Variants in MAML3 observed in about 807,000 individuals in gnomAD.
MAML3 encodes mastermind like transcriptional coactivator 3, also known as mastermind-like protein 3.
In MAML3, 27 loss-of-function variants were observed where a neutral mutation model predicts 101.9. The observed-to-expected ratio is 0.27, with a 90% CI of 0.20 to 0.37. The LOEUF (loss-of-function observed/expected upper bound fraction) is 0.37, where lower values mean the gene tolerates loss of function less well. Ranked by LOEUF, MAML3 falls within the 10% of genes least tolerant of loss-of-function variation. The probability of loss-of-function intolerance (pLI) is 1.00; values close to 1 mark genes in which losing one functional copy is unlikely to be tolerated. For synonymous variants in MAML3, 501 were observed against 555.9 expected (o/e 0.90, Z 1.39); for missense variants, 1,316 against 1,444.9 (o/e 0.91, Z 1.45).
intron 1 of MAML3, among the ~76,000 whole-genome samples, chr4:139,893,963 A>G (rs549757506): frequency 2.0e-4 from 30 of 152,166 alleles, no homozygotes; most frequent in Middle Eastern, 3.4e-3. Context: ...AGACAGAATG[A>G]CAGGGTAGGA....
chr4:140,032,632 C>A (rs2110893580), intron 1 of MAML3, among the ~76,000 whole-genome samples: 1 of 152,152 alleles, frequency 6.6e-6, no homozygotes, highest in South Asian at 2.1e-4. Flanking sequence ...ATCAATGATA[C>A]AAATGGGTAA....
intron 1 of MAML3, among the ~76,000 whole-genome samples, chr4:139,989,665 C>T (rs1399295714): frequency 6.6e-6 from 1 of 152,096 alleles, no homozygotes; most frequent in African/African-American, 2.4e-5. Context: ...TCCTGTTTGT[C>T]TTCCTACCCA....
At position 139,742,180 on chromosome 4, in the gene MAML3, G is replaced by A. The variant is rs189711136; in HGVS notation, c.2080-11513C>T. On this transcript the variant is annotated intron_variant, in intron 2 of 4. Coordinates refer to ENST00000509479, the MANE Select transcript of MAML3 (RefSeq NM_018717.5). ...TTTTTTTTTTTTGAGAGAGAGTCTCGCTCTGTCAGCCAGGCTGAAGTGCAG... is the reference window on the plus strand; with the variant it reads ...TTTTTTTTTTTTGAGAGAGAGTCTCACTCTGTCAGCCAGGCTGAAGTGCAG... 6.4e-3 allele frequency among the ~76,000 whole-genome samples: 922 copies of A among 143,714 alleles called. 5 individuals carry two copies. Among genetic ancestry groups the A allele is most frequent in the African/African-American group, 0.021 (815 of 38,606 alleles). 94.3% of individuals were successfully genotyped at this position (143,714 alleles called of 152,430 possible).
intron 2 of MAML3, among the ~76,000 whole-genome samples, chr4:139,769,916 C>CTTTTTTTTTTTT (rs139445743): frequency 7.6e-6 from 1 of 132,294 alleles, no homozygotes; most frequent in African/African-American, 2.9e-5. Flanking sequence ...CGCCCAGCCT[C>CTTTTTTTTTTTT]TTTTTTTTTT....
rs776544555 is a variant in MAML3, at chr4:139,933,786, C to G, written c.469-42819G>C. On this transcript the variant is annotated intron_variant, in intron 1 of 4. Coordinates refer to ENST00000509479, the MANE Select transcript of MAML3 (RefSeq NM_018717.5). ...ACAGGCAGCTTGTAACCCAGAGAAC[C>G]CTTCCGCTTCCTGAGGTCAGCCTGG... Among the ~76,000 whole-genome samples, 54 of 152,140 alleles carry G rather than the reference C, an allele frequency of 3.5e-4. 1 individual carries two copies. The highest frequency in any genetic ancestry group is 4.4e-4 in the Non-Finnish European group (30 of 68,022).
At chr4:139,982,298 C>T (rs1201039632) in intron 1 of MAML3, among the ~76,000 whole-genome samples, 1 of 152,118 alleles carries the variant, frequency 6.6e-6, no homozygotes, top group Non-Finnish European at 1.5e-5. Flanking sequence ...GCTCCCGTGC[C>T]CTTTTGACAT....
At chr4:139,774,757 T>C (rs986414838) in intron 2 of MAML3, among the ~76,000 whole-genome samples, 1 of 152,240 alleles carries the variant, frequency 6.6e-6, no homozygotes, top group African/African-American at 2.4e-5. Flanking sequence ...TTCTAAACCA[T>C]GATAAAAGAA....
At chr4:140,064,301 T>C (rs922673221) in intron 1 of MAML3, among the ~76,000 whole-genome samples, 4 of 152,138 alleles carry the variant, frequency 2.6e-5, no homozygotes, top group Admixed American at 2.6e-4. Flanking sequence ...AATTGAGAGG[T>C]AAATCCAATT....
intron 1 of MAML3, among the ~76,000 whole-genome samples, chr4:140,092,605 A>G (rs1001137513): frequency 2.6e-5 from 4 of 152,170 alleles, no homozygotes; most frequent in African/African-American, 9.7e-5. Flanking sequence ...TTTATCTCTC[A>G]GCCAATTACT....
At chr4:139,932,760 T>C (rs575511537) in intron 1 of MAML3, among the ~76,000 whole-genome samples, 1 of 152,244 alleles carries the variant, frequency 6.6e-6, no homozygotes, top group South Asian at 2.1e-4. Flanking sequence ...GACAAACAAT[T>C]GAAAAGACAA....
At chr4:139,832,094 C>CCTTTTTTTTTTTTTTTTTT (rs1234455929) in intron 2 of MAML3, among the ~76,000 whole-genome samples, 1 of 64,680 alleles carries the variant, frequency 1.5e-5, no homozygotes, top group Non-Finnish European at 3.3e-5. Context: ...TGCCCAGCCC[C>CCTTTTTTTTTTTTTTTTTT]TTTTTTTTTT....
chr4:139,874,035 G>A (rs1027987429), intron 2 of MAML3, among the ~76,000 whole-genome samples: 17 of 152,160 alleles, frequency 1.1e-4, no homozygotes, highest in African/African-American at 4.1e-4. Flanking sequence ...TGGAATATGT[G>A]TTTACCTGCA....
chr4:139,978,624 A>G (rs1734388763), intron 1 of MAML3, among the ~76,000 whole-genome samples: 1 of 148,018 alleles, frequency 6.8e-6, no homozygotes, highest in Admixed American at 6.9e-5. Context: ...AAAAAAAGAG[A>G]GAGAGAGAGA....
intron 2 of MAML3, among the ~76,000 whole-genome samples, chr4:139,791,061 A>G (rs890505686): frequency 2.0e-5 from 3 of 152,238 alleles, no homozygotes; most frequent in Admixed American, 6.5e-5. Flanking sequence ...AGGCTTAAAG[A>G]TAACTTAGAT....
At chr4:140,127,686 T>G (rs750672920) in intron 1 of MAML3, among the ~76,000 whole-genome samples, 12 of 152,230 alleles carry the variant, frequency 7.9e-5, no homozygotes, top group Non-Finnish European at 1.5e-4. Flanking sequence ...GAAGGCTCAC[T>G]GTGGATCCAG....
intron 2 of MAML3, among the ~76,000 whole-genome samples, chr4:139,848,941 T>C (rs1435631258): frequency 1.3e-5 from 2 of 152,340 alleles, no homozygotes; most frequent in Admixed American, 6.5e-5. Flanking sequence ...ATTAGCTGAA[T>C]TGAAAAATGC....
chr4:139,969,561 T>C (rs1455395407), intron 1 of MAML3, among the ~76,000 whole-genome samples: 1 of 152,206 alleles, frequency 6.6e-6, no homozygotes, highest in Non-Finnish European at 1.5e-5. Flanking sequence ...TGTAGACATA[T>C]GAAAAGCTCC....
At chr4:140,018,692 T>C (rs906720570) in intron 1 of MAML3, among the ~76,000 whole-genome samples, 13 of 152,202 alleles carry the variant, frequency 8.5e-5, no homozygotes, top group African/African-American at 2.9e-4. Context: ...GAAGATAAAA[T>C]AGAAATGGTT....
chr4:140,114,459 T>C lies in MAML3; in HGVS notation c.468+38401A>G, dbSNP rs762146691. 3.8e-4 allele frequency among the ~76,000 whole-genome samples: 58 copies of C among 152,330 alleles called. No homozygotes were observed. In the Middle Eastern group the frequency reaches 0.01, roughly 27 times the overall value. ...TATCTTAATTAAAATAAAACTACAA[T>C]ATTATTGGGTTTTTAAATTACGTAG... On this transcript the variant is annotated intron_variant, in intron 1 of 4. Transcript: ENST00000509479.
Sources: allele counts gnomAD v4.1 joint callset (sites outside exome capture counted in the v4.1 genomes callset), GRCh38; gene constraint gnomAD v4.1.1; transcripts MANE v1.5; gene names NCBI Gene and HGNC (gene_info 2026-07-23, HGNC 2026-07-21).